The following OLFM2 variants were observed in gnomAD, a reference collection of about 807,000 sequenced individuals.
OLFM2 encodes the protein olfactomedin 2.
OLFM2 carries 20 observed loss-of-function variants against 43.9 expected under a neutral mutation model. The observed-to-expected ratio is 0.46, with a 90% CI of 0.32 to 0.66. The LOEUF is 0.66. OLFM2 is among the 30% of genes least tolerant of loss of function. The probability of loss-of-function intolerance (pLI) is 0.04; values close to 1 mark genes in which losing one functional copy is unlikely to be tolerated. For missense variants in OLFM2, 416 were observed against 643.6 expected (o/e 0.65, Z 3.83); for synonymous variants, 268 against 278.6 (o/e 0.96, Z 0.38).
intron 1 of OLFM2, among the ~76,000 whole-genome samples, chr19:9,883,046 A>G (rs1479151965): frequency 6.6e-6 from 1 of 151,860 alleles, no homozygotes; most frequent in Non-Finnish European, 1.5e-5. Context: ...TAAAAAAAAA[A>G]AAATACAAAA....
At chr19:9,892,568 A>G (rs1599484472) in intron 1 of OLFM2, among the ~76,000 whole-genome samples, 1 of 151,916 alleles carries the variant, frequency 6.6e-6, no homozygotes, top group Non-Finnish European at 1.5e-5. Context: ...AAAATTAGCT[A>G]GGCTTGGTGG....
intron 1 of OLFM2, chr19:9,913,684 T>G: frequency 9.2e-7 from 1 of 1,091,708 alleles, no homozygotes; most frequent in Non-Finnish European, 1.1e-6. Context: ...CGCGGGGCGC[T>G]CGGTCCCTCG....
At chr19:9,873,912 A>C (rs2046464033) in intron 1 of OLFM2, among the ~76,000 whole-genome samples, 1 of 147,446 alleles carries the variant, frequency 6.8e-6, no homozygotes, top group African/African-American at 2.5e-5. Context: ...TGGTCTCCCA[A>C]AGCGCTGAAA....
chr19:9,879,379 C>A (rs10412018), intron 1 of OLFM2, among the ~76,000 whole-genome samples: 121,525 of 151,870 alleles, frequency 0.8, 49,967 homozygotes, highest in Non-Finnish European at 0.9. Context: ...TGATCTGCCC[C>A]CCTCGGCCTC....
intron 1 of OLFM2, among the ~76,000 whole-genome samples, chr19:9,926,148 CT>C (rs60036206): frequency 0.07 from 10,499 of 150,138 alleles, 948 homozygotes; most frequent in African/African-American, 0.21. Flanking sequence ...AACATTAAGA[CT>C]TTTTTTTAAA....
intron 1 of OLFM2, among the ~76,000 whole-genome samples, chr19:9,865,149 C>T (rs1467105965): frequency 1.4e-5 from 2 of 146,062 alleles, no homozygotes; most frequent in East Asian, 2.0e-4. Context: ...TCTCCCACCT[C>T]CCTTCTTCTT....
intron 1 of OLFM2, among the ~76,000 whole-genome samples, chr19:9,908,376 G>A (rs1249436741): frequency 1.3e-5 from 2 of 150,846 alleles, no homozygotes; most frequent in Non-Finnish European, 2.9e-5. Flanking sequence ...GCGCGATCTC[G>A]GCTCACTGCA....
At position 9,907,865 on chromosome 19, in the gene OLFM2, C is replaced by A. The variant is rs185693629; in HGVS notation, c.63+28439G>T. On this transcript the variant is annotated intron_variant, in intron 1 of 5. Coordinates refer to ENST00000264833, the MANE Select transcript of OLFM2 (RefSeq NM_058164.4). ...CTGAAAATACAAAAAATTAGCCAGG[C>A]CTGGTGGTGCATGCCTGTAATCCTA... 3.5e-3 allele frequency among the ~76,000 whole-genome samples: 526 copies of A among 152,004 alleles called. 14 individuals are homozygous for A. Among genetic ancestry groups the A allele is most frequent in the Admixed American group, 0.031 (475 of 15,244 alleles).
chr19:9,856,071 T>A lies in OLFM2; in HGVS notation c.687+736A>T, dbSNP rs116880543. On this transcript the variant is annotated intron_variant, in intron 5 of 5. Coordinates refer to ENST00000264833, the MANE Select transcript of OLFM2 (RefSeq NM_058164.4). The surrounding 1 kb of genome is among the most constrained non-coding windows in gnomAD (Gnocchi z 4.0). ...CGTGTCATCAACATCATTGTTGTCA[T>A]CATGTTAACTAGCATTTGTTGTTGT... is the stretch of plus-strand genomic sequence containing the variant. Among the ~76,000 whole-genome samples, 1,064 of 152,314 alleles carry A rather than the reference T, an allele frequency of 7.0e-3. 4 individuals carry two copies. Among genetic ancestry groups the A allele is most frequent in the Non-Finnish European group, 0.01 (687 of 68,030 alleles).
intron 1 of OLFM2, chr19:9,913,793 G>T: frequency 3.9e-6 from 2 of 519,048 alleles, no homozygotes; most frequent in African/African-American, 2.1e-5. Flanking sequence ...GGGGACGCGG[G>T]CTGCGGCTCG....
chr19:9,869,161 C>T (rs1024543343), intron 1 of OLFM2, among the ~76,000 whole-genome samples: 5 of 152,082 alleles, frequency 3.3e-5, no homozygotes, highest in South Asian at 4.2e-4. Flanking sequence ...GTCATTTATG[C>T]GGTTCTCAGT....
chr19:9,932,992 C>T (rs1453370510), intron 1 of OLFM2, among the ~76,000 whole-genome samples: 1 of 152,124 alleles, frequency 6.6e-6, no homozygotes, highest in Non-Finnish European at 1.5e-5. Context: ...AGTGGTCTGG[C>T]TTCCCCGGCC....
rs927714096 is a variant in OLFM2, at chr19:9,936,463, G to T, written c.-97C>A. On this transcript the variant is annotated 5_prime_UTR_variant, in exon 1 of 6. Coordinates refer to ENST00000264833, the MANE Select transcript of OLFM2 (RefSeq NM_058164.4). ...GCGCGACCCCGCCCGCCCGGCCGGGGCGACCCTGCGCCGCCGCCTCCCCCG... is the reference window on the plus strand; with the variant it reads ...GCGCGACCCCGCCCGCCCGGCCGGGTCGACCCTGCGCCGCCGCCTCCCCCG... 2.2e-6 allele frequency: 2 copies of T among 899,140 alleles called. No homozygotes were observed. The highest frequency in any genetic ancestry group is 2.7e-6 in the Non-Finnish European group (2 of 749,404). 55.7% of individuals were successfully genotyped at this position (899,140 alleles called of 1,614,324 possible).
chr19:9,878,236 G>A (rs2046507899), intron 1 of OLFM2, among the ~76,000 whole-genome samples: 1 of 152,238 alleles, frequency 6.6e-6, no homozygotes, highest in East Asian at 1.9e-4. Flanking sequence ...TCAAGGGAGT[G>A]TGACAGAATT....
At chr19:9,918,401 G>A (rs542348074) in intron 1 of OLFM2, among the ~76,000 whole-genome samples, 130 of 151,252 alleles carry the variant, frequency 8.6e-4, no homozygotes, top group African/African-American at 2.9e-3. Flanking sequence ...TATGTTGCCC[G>A]GGCTGGTCTC....
At chr19:9,901,604 G>A (rs928420874) in intron 1 of OLFM2, among the ~76,000 whole-genome samples, 6 of 152,154 alleles carry the variant, frequency 3.9e-5, no homozygotes, top group Non-Finnish European at 8.8e-5. Context: ...GAGCCTGAGG[G>A]CACTTTTGAG....
intron 1 of OLFM2, among the ~76,000 whole-genome samples, chr19:9,877,123 G>A (rs986334535): frequency 2.6e-5 from 4 of 151,502 alleles, no homozygotes; most frequent in Non-Finnish European, 2.9e-5. Flanking sequence ...CCAGCTACTC[G>A]GGAGGCTGAG....
chr19:9,922,233 G>A (rs1464911301), intron 1 of OLFM2, among the ~76,000 whole-genome samples: 1 of 151,702 alleles, frequency 6.6e-6, no homozygotes, highest in Non-Finnish European at 1.5e-5. Context: ...TGATTTTATA[G>A]TTATGTAAAA....
intron 1 of OLFM2, among the ~76,000 whole-genome samples, chr19:9,917,851 T>G (rs1372164505): frequency 1.3e-5 from 2 of 151,250 alleles, no homozygotes; most frequent in African/African-American, 4.9e-5. Context: ...CCCACCACTC[T>G]GTGCCACTTA....
Sources: allele counts gnomAD v4.1 joint callset (sites outside exome capture counted in the v4.1 genomes callset), GRCh38; gene constraint gnomAD v4.1.1; non-coding constraint Gnocchi (gnomAD v3.1); transcripts MANE v1.5; gene names NCBI Gene and HGNC (gene_info 2026-07-23, HGNC 2026-07-21).